MAP2K3: variants seen among roughly 807,000 people sequenced by gnomAD.
The protein encoded by MAP2K3 is dual specificity mitogen-activated protein kinase kinase 3.
MAP2K3 carries 30 observed loss-of-function variants against 46.4 expected under a neutral mutation model. The observed-to-expected ratio is 0.65, with a 90% CI of 0.48 to 0.88. The LOEUF is 0.88. Ranked by LOEUF, MAP2K3 falls within the 40% of genes least tolerant of loss-of-function variation. MAP2K3 has a pLI of 0.00. For missense variants in MAP2K3, 380 were observed against 464.5 expected (o/e 0.82, Z 1.67); for synonymous variants, 189 against 176.3 (o/e 1.07, Z -0.57).
At chr17:21,293,823 C>T in intron 1 of MAP2K3, among the ~76,000 whole-genome samples, 1 of 152,430 alleles carries the variant, frequency 6.6e-6, no homozygotes, top group South Asian at 2.1e-4. Context: ...CTGGGCCTGG[C>T]ATGGAGCAGG....
Position 21,284,724 on chromosome 17 carries a change from C to G in MAP2K3, c.-197C>G, listed in dbSNP as rs1975674853. On this transcript the variant is annotated 5_prime_UTR_variant, in exon 1 of 12. Coordinates refer to ENST00000342679, the MANE Select transcript of MAP2K3 (RefSeq NM_145109.3). ...CCGGCGCTGCCCAGTCTGTCTCCGGCGCCGCCCGTCGCGGACTCGTCCTTG... is the reference window on the plus strand; with the variant it reads ...CCGGCGCTGCCCAGTCTGTCTCCGGGGCCGCCCGTCGCGGACTCGTCCTTG... 1 of 510,036 alleles carries G rather than the reference C, an allele frequency of 2.0e-6. No homozygotes were observed. Among genetic ancestry groups the G allele is most frequent in the East Asian group, 3.7e-5 (1 of 27,062 alleles). 31.6% of individuals were successfully genotyped at this position (510,036 alleles called of 1,614,324 possible). A position where few individuals can be genotyped will look rare whatever the true frequency, so the allele number is the denominator to read the frequency against.
chr17:21,286,483 A>G (rs1975726848), intron 1 of MAP2K3, among the ~76,000 whole-genome samples: 1 of 152,172 alleles, frequency 6.6e-6, no homozygotes, highest in South Asian at 2.1e-4. Flanking sequence ...TATGCCTTAC[A>G]TAAGTGGGAG....
At chr17:21,313,601 G>A (rs554353660) in intron 11 of MAP2K3, 64 bp downstream of exon 11, 182 of 1,246,484 alleles carry the variant, frequency 1.5e-4, no homozygotes, top group Admixed American at 4.5e-4. Flanking sequence ...GTGGGGCTCT[G>A]GGGAGAGGGC....
chr17:21,303,918 C>T (rs913349968), intron 7 of MAP2K3, among the ~76,000 whole-genome samples: 2 of 152,308 alleles, frequency 1.3e-5, no homozygotes, highest in Admixed American at 6.5e-5. Flanking sequence ...TCTTTACACA[C>T]ATCCCCATGG....
chr17:21,298,740 A>G, intron 2 of MAP2K3, 138 bp from the exon 3 acceptor site: 1 of 1,281,236 alleles, frequency 7.8e-7, no homozygotes, highest in Non-Finnish European at 1.1e-6. Context: ...AGCCAGTGAG[A>G]GGAGGTGGCC....
rs528163390 is a variant in MAP2K3, at chr17:21,306,685, G to A, written c.774+1557G>A. 4.4e-4 allele frequency among the ~76,000 whole-genome samples: 67 copies of A among 152,260 alleles called. No homozygotes were observed. The East Asian group carries it at 0.012, about 28-fold the overall frequency. On this transcript the variant is annotated intron_variant, in intron 9 of 11. Transcript: ENST00000342679. ...TTTAGTGGAGATGGGGTTTTGCCAT[G>A]TTGGCGAGGCTGGTCTTGAACTCCT...
rs370468283 is a variant in MAP2K3, at chr17:21,302,136, C to T, written c.400-7C>T. The T allele has an allele frequency of 4.3e-6, 7 of 1,613,954 alleles. No homozygotes were observed. Among genetic ancestry groups the T allele is most frequent in the African/African-American group, 1.3e-5 (1 of 74,960 alleles). ...CAGCCTGGCTGAGCTCTGGGTGTCA[C>T]CCACAGGGAGACGTGTGGATCTGCA... is the stretch of plus-strand genomic sequence containing the variant. On this transcript the variant is annotated splice_region_variant and splice_polypyrimidine_tract_variant and intron_variant, in intron 5 of 11. Coordinates refer to ENST00000342679, the MANE Select transcript of MAP2K3 (RefSeq NM_145109.3).
chr17:21,298,773 G>A (rs1171714282), intron 2 of MAP2K3, 105 bp from the exon 3 acceptor site: 11 of 1,550,814 alleles, frequency 7.1e-6, no homozygotes, highest in African/African-American at 2.7e-5. Context: ...TCCGGGGCAG[G>A]AGGCACCTCG....
rs770555695 is a variant in MAP2K3 at position 21,300,660 on chromosome 17, T to G, written c.279+2T>G. 1.2e-6 allele frequency: 2 copies of G among 1,607,934 alleles called. No individual in the cohort carries two copies. The highest frequency in any genetic ancestry group is 1.7e-6 in the Non-Finnish European group (2 of 1,177,128). On this transcript the variant is annotated splice_donor_variant, in intron 4 of 11. Transcript: ENST00000342679. LOFTEE classifies it high-confidence loss of function. ...AGCGGCACCATCATGGCCGTGAAGG[T>G]GAGCAGGGCCTGGAGGCAGCTGGGA... is the stretch of plus-strand genomic sequence containing the variant.
intron 1 of MAP2K3, among the ~76,000 whole-genome samples, chr17:21,287,743 C>T (rs1167065462): frequency 2.6e-5 from 4 of 152,224 alleles, no homozygotes; most frequent in African/African-American, 4.8e-5. Flanking sequence ...GTCCTGTTGT[C>T]GTTCAGAACA....
In MAP2K3 at chr17:21,284,971, T is replaced by C; in HGVS notation, c.49+2T>C. ...CCGCCAGCATGCCCCAGTCCAAAGG[T>C]AGGCGCTCCCGGCCGGGACCTCGGC... On this transcript the variant is annotated splice_donor_variant, in intron 1 of 11. Transcript: ENST00000342679. LOFTEE classifies it high-confidence loss of function. The C allele has an allele frequency of 6.2e-7, 1 of 1,609,766 alleles. No homozygotes were observed. Among genetic ancestry groups the C allele is most frequent in the Non-Finnish European group, 8.5e-7 (1 of 1,178,672 alleles).
chr17:21,285,744 C>G (rs2144427368), intron 1 of MAP2K3, among the ~76,000 whole-genome samples: 1 of 152,280 alleles, frequency 6.6e-6, no homozygotes, highest in South Asian at 2.1e-4. Context: ...TCCTGGCTGC[C>G]TGGGATCTGG....
rs1399568830 is a variant in MAP2K3, at chr17:21,302,379, C to A, written c.516+120C>A. The A allele has an allele frequency of 2.1e-5, 24 of 1,122,194 alleles. No homozygotes were observed. The African/African-American group carries it at 3.1e-4, about 14-fold the overall frequency. 69.5% of individuals were successfully genotyped at this position (1,122,194 alleles called of 1,614,324 possible). A position where few individuals can be genotyped will look rare whatever the true frequency, so the allele number is the denominator to read the frequency against. On this transcript the variant is annotated intron_variant, in intron 6 of 11. Transcript: ENST00000342679. ...TTGGGCAGAGCTGGGCATCAATGTG[C>A]CCCCTGAACCTGGGCAGCTGCCCTG...
chr17:21,300,661 G>A lies in MAP2K3; in HGVS notation c.279+3G>A, dbSNP rs1292868602. On this transcript the variant is annotated splice_donor_region_variant and intron_variant, in intron 4 of 11. Coordinates refer to ENST00000342679, the MANE Select transcript of MAP2K3 (RefSeq NM_145109.3). Reference sequence around the variant, plus strand: ...GCGGCACCATCATGGCCGTGAAGGTGAGCAGGGCCTGGAGGCAGCTGGGAG... The same window carrying A: ...GCGGCACCATCATGGCCGTGAAGGTAAGCAGGGCCTGGAGGCAGCTGGGAG... 1.9e-6 allele frequency: 3 copies of A among 1,607,562 alleles called. No homozygotes were observed. Among genetic ancestry groups the A allele is most frequent in the African/African-American group, 1.3e-5 (1 of 75,000 alleles).
At chr17:21,314,061 A>C (rs1977290595) in intron 11 of MAP2K3, 86 bp from the exon 12 acceptor site, 1 of 1,047,334 alleles carries the variant, frequency 9.5e-7, no homozygotes, top group Non-Finnish European at 1.5e-6. Flanking sequence ...TCAGGAGAAC[A>C]CTTGGGCTGG....
At chr17:21,297,634 G>A (rs547522476) in intron 1 of MAP2K3, among the ~76,000 whole-genome samples, 522 of 152,136 alleles carry the variant, frequency 3.4e-3, no homozygotes, top group African/African-American at 0.012. Context: ...CACTGTGCCT[G>A]GAGCCCCAGA....
chr17:21,311,892 C>T (rs9909362), intron 9 of MAP2K3: 220,883 of 413,270 alleles, frequency 0.53, 61,183 homozygotes, highest in African/African-American at 0.72. Flanking sequence ...CTATGATGGT[C>T]CCACCAGTCC....
Position 21,314,444 on chromosome 17 carries a change from C to T in MAP2K3, c.*214C>T, listed in dbSNP as rs1283010383. ...GCTCCCAGCCAGGCCCTTGTCGGCC[C>T]CACCAGTGCCTCTCCCTGCTGCTCC... On this transcript the variant is annotated 3_prime_UTR_variant, in exon 12 of 12. Transcript: ENST00000342679. 2 of 574,798 alleles carry T rather than the reference C, an allele frequency of 3.5e-6. No individual in the cohort carries two copies. Among genetic ancestry groups the T allele is most frequent in the African/African-American group, 1.9e-5 (1 of 53,194 alleles). 35.6% of individuals were successfully genotyped at this position (574,798 alleles called of 1,614,324 possible).
intron 1 of MAP2K3, among the ~76,000 whole-genome samples, chr17:21,286,589 G>A (rs1354726616): frequency 6.6e-6 from 1 of 152,248 alleles, no homozygotes; most frequent in Non-Finnish European, 1.5e-5. Flanking sequence ...CACAGACCTC[G>A]TGGAGCTTGG....
Sources: allele counts gnomAD v4.1 joint callset (sites outside exome capture counted in the v4.1 genomes callset), GRCh38; gene constraint gnomAD v4.1.1; transcripts MANE v1.5; gene names NCBI Gene and HGNC (gene_info 2026-07-23, HGNC 2026-07-21).